The following ARHGAP21 variants were observed in gnomAD, a reference collection of about 807,000 sequenced individuals.
ARHGAP21 encodes the protein rho GTPase-activating protein 21.
ARHGAP21 carries 38 observed loss-of-function variants against 164.6 expected under a neutral mutation model. That is an observed-to-expected ratio of 0.23 (90% CI 0.18 to 0.30). The LOEUF (loss-of-function observed/expected upper bound fraction) is 0.30, where lower values mean the gene tolerates loss of function less well. Among genes scored for constraint, ARHGAP21 ranks in the 10% least tolerant of loss-of-function variants. The pLI, the probability that ARHGAP21 is intolerant of heterozygous loss-of-function variation, is 1.00. For missense variants in ARHGAP21, 1,822 were observed against 2,370.7 expected, an observed-to-expected ratio of 0.77 and a Z score of 4.81; for synonymous variants, 766 against 857.9, an observed-to-expected ratio of 0.89 and a Z score of 1.87.
intron 14 of ARHGAP21, among the ~76,000 whole-genome samples, chr10:24,600,198 T>G (rs1447400298): frequency 6.6e-6 from 1 of 150,978 alleles, no homozygotes; most frequent in African/African-American, 2.4e-5. Flanking sequence ...AAACTAACTA[T>G]TGTGTGACAG....
At chr10:24,601,641 C>A (rs529715909) in intron 13 of ARHGAP21, among the ~76,000 whole-genome samples, 33 of 152,084 alleles carry the variant, frequency 2.2e-4, no homozygotes, top group African/African-American at 7.7e-4. Context: ...AACTGATTTG[C>A]CACTTCCTAA....
intron 6 of ARHGAP21, 34 bp from the exon 7 acceptor site, chr10:24,630,084 T>G (rs544039649): frequency 8.2e-6 from 10 of 1,220,282 alleles, no homozygotes; most frequent in African/African-American, 1.5e-5. Flanking sequence ...TTAGGAGAGG[T>G]AGAAGTGTAT....
intron 24 of ARHGAP21, 70 bp downstream of exon 24, chr10:24,591,155 G>A: frequency 7.8e-7 from 1 of 1,278,228 alleles, no homozygotes. Flanking sequence ...CACTATGATT[G>A]ATTTGCTCTT....
At chr10:24,638,049 T>C (rs757587889) in intron 4 of ARHGAP21, among the ~76,000 whole-genome samples, 22 of 152,114 alleles carry the variant, frequency 1.4e-4, no homozygotes, top group South Asian at 4.2e-4. Context: ...GTATTTTTAG[T>C]AGAGATGGGG....
intron 2 of ARHGAP21, among the ~76,000 whole-genome samples, chr10:24,674,422 T>G (rs993632011): frequency 2.6e-5 from 4 of 152,082 alleles, no homozygotes; most frequent in African/African-American, 9.7e-5. Flanking sequence ...TAATCCCAGC[T>G]ACTCAGGAGA....
At position 24,692,514 on chromosome 10, in the gene ARHGAP21, A is replaced by C. The variant is rs551580308; in HGVS notation, c.64-22117T>G. Among the ~76,000 whole-genome samples the C allele has an allele frequency of 6.0e-4, 92 of 152,356 alleles. 1 individual carries two copies. Among genetic ancestry groups the C allele is most frequent in the Non-Finnish European group, 9.6e-4 (65 of 68,040 alleles). ...GGAAACAGTAACAGCCAAAAGTTGGAAACAACCCAAATGTCCATTAAGAGT... is the reference window on the plus strand; with the variant it reads ...GGAAACAGTAACAGCCAAAAGTTGGCAACAACCCAAATGTCCATTAAGAGT... On this transcript the variant is annotated intron_variant, in intron 2 of 25. Transcript: ENST00000396432.
chr10:24,655,568 G>A (rs1838733948), intron 4 of ARHGAP21, among the ~76,000 whole-genome samples: 1 of 151,990 alleles, frequency 6.6e-6, no homozygotes, highest in Non-Finnish European at 1.5e-5. Flanking sequence ...CGGGGCCCGA[G>A]GGCAAGGAGC....
Position 24,585,890 on chromosome 10 carries a change from T to G in ARHGAP21, c.4399A>C (p.Arg1467=), listed in dbSNP as rs368758881. 1 of 1,613,978 alleles carries G rather than the reference T, an allele frequency of 6.2e-7. No homozygotes were observed. Among genetic ancestry groups the G allele is most frequent in the African/African-American group, 1.3e-5 (1 of 74,948 alleles). ...ESKKESETLG[R]KQKIIIAKEN... is the part of the protein sequence containing the mutation. ...TTGGCAATGATGATCTTCTGTTTTC[T>G]GCCCAGTGTCTCACTTTCTTTTTTG... The change falls in exon 26 of 26, where the codon AGA becomes CGA. Residue 1467 remains arginine (R), a synonymous_variant. Transcript: ENST00000396432.
chr10:24,631,464 A>G (rs552944711), intron 6 of ARHGAP21, among the ~76,000 whole-genome samples: 1 of 152,336 alleles, frequency 6.6e-6, no homozygotes, highest in African/African-American at 2.4e-5. Flanking sequence ...AATATCAGAC[A>G]TATTTTCCCC....
intron 9 of ARHGAP21, among the ~76,000 whole-genome samples, chr10:24,616,074 G>A (rs555436583): frequency 9.2e-5 from 14 of 152,084 alleles, no homozygotes; most frequent in South Asian, 4.1e-4. Flanking sequence ...CACTGCACCC[G>A]GACTATTTTA....
At chr10:24,605,149 C>CA (rs2076969985) in intron 11 of ARHGAP21, among the ~76,000 whole-genome samples, 1 of 152,046 alleles carries the variant, frequency 6.6e-6, no homozygotes, top group Non-Finnish European at 1.5e-5. Context: ...CTATACCATA[C>CA]AAAGAAGGGT....
At chr10:24,706,362 G>A (rs1451990729) in intron 2 of ARHGAP21, 2 of 151,928 alleles carry the variant, frequency 1.3e-5, no homozygotes, top group Middle Eastern at 3.4e-3. Flanking sequence ...ACATTAAACA[G>A]GTATTTTGAC....
chr10:24,597,442 A>G lies in ARHGAP21; in HGVS notation c.3334+5T>C. Reference sequence around the variant, plus strand: ...ATTTATTTGTTAGAAAGCTAACATCAATACCTTTACTGAGAAGTTTCCTTT... The same window carrying G: ...ATTTATTTGTTAGAAAGCTAACATCGATACCTTTACTGAGAAGTTTCCTTT... On this transcript the variant is annotated splice_donor_5th_base_variant and intron_variant, in intron 16 of 25. Transcript: ENST00000396432. 1 of 1,609,268 alleles carries G rather than the reference A, an allele frequency of 6.2e-7. No individual in the cohort carries two copies. The highest frequency in any genetic ancestry group is 8.5e-7 in the Non-Finnish European group (1 of 1,178,794).
intron 5 of ARHGAP21, among the ~76,000 whole-genome samples, chr10:24,634,535 T>A (rs984745786): frequency 1.3e-5 from 2 of 152,240 alleles, no homozygotes; most frequent in Non-Finnish European, 2.9e-5. Context: ...TTAAGCCACA[T>A]ATACTGACAC....
chr10:24,598,592 G>A (rs2076680994), intron 14 of ARHGAP21, among the ~76,000 whole-genome samples: 2 of 152,076 alleles, frequency 1.3e-5, no homozygotes, highest in South Asian at 4.2e-4. Context: ...TGTATGAAAT[G>A]CTATATGGTA....
intron 2 of ARHGAP21, among the ~76,000 whole-genome samples, chr10:24,693,743 G>A (rs189637559): frequency 6.6e-6 from 1 of 152,148 alleles, no homozygotes; most frequent in African/African-American, 2.4e-5. Flanking sequence ...CAAATCTCCT[G>A]GCTGCGTCAA....
Position 24,598,023 on chromosome 10 carries a change from T to C in ARHGAP21, c.3133-14A>G, listed in dbSNP as rs200631318. On this transcript the variant is annotated splice_polypyrimidine_tract_variant and intron_variant, in intron 14 of 25. Transcript: ENST00000396432. ...GACTCCAGTGTCCTACAGAATAAAGTAAAATTAGAAAATCAATTCTAAACA... is the reference window on the plus strand; with the variant it reads ...GACTCCAGTGTCCTACAGAATAAAGCAAAATTAGAAAATCAATTCTAAACA... 19 of 1,597,064 alleles carry C rather than the reference T, an allele frequency of 1.2e-5. No homozygotes were observed. The highest frequency in any genetic ancestry group is 1.2e-5 in the Non-Finnish European group (14 of 1,169,262).
At chr10:24,602,191 T>A in intron 12 of ARHGAP21, 88 bp from the exon 13 acceptor site, 1 of 1,460,002 alleles carries the variant, frequency 6.8e-7, no homozygotes, top group Non-Finnish European at 9.2e-7. Context: ...GAAAACTTTA[T>A]TTAATGTTTC....
At chr10:24,683,499 GT>G (rs997997739) in intron 2 of ARHGAP21, among the ~76,000 whole-genome samples, 22 of 145,954 alleles carry the variant, frequency 1.5e-4, no homozygotes, top group African/African-American at 4.3e-4. Flanking sequence ...TAAGTTTTTT[GT>G]TTTTTTTTTG....
Sources: allele counts gnomAD v4.1 joint callset (sites outside exome capture counted in the v4.1 genomes callset), GRCh38; gene constraint gnomAD v4.1.1; transcripts MANE v1.5; gene names NCBI Gene and HGNC (gene_info 2026-07-23, HGNC 2026-07-21).